The following GLYATL2 variants were observed in gnomAD, a reference collection of about 807,000 sequenced individuals.
GLYATL2 encodes glycine N-acyltransferase-like protein 2.
In GLYATL2, 25 loss-of-function variants were observed where a neutral mutation model predicts 21.4. That is an observed-to-expected ratio of 1.17 (90% CI 0.85 to 1.63). The LOEUF is 1.63. Ranked by LOEUF, GLYATL2 falls within the 40% of genes most tolerant of loss-of-function variation. GLYATL2 has a pLI of 0.00. For synonymous variants in GLYATL2, 114 were observed against 118.2 expected (o/e 0.96, Z 0.23); for missense variants, 361 against 343.3 (o/e 1.05, Z -0.41).
chr11:58,834,322 A>T lies in GLYATL2; in HGVS notation c.*107T>A. The T allele has an allele frequency of 1.2e-6, 1 of 862,520 alleles. No individual in the cohort carries two copies. The highest frequency in any genetic ancestry group is 1.8e-6 in the Non-Finnish European group (1 of 569,226). 53.4% of individuals were successfully genotyped at this position (862,520 alleles called of 1,614,324 possible). A position where few individuals can be genotyped will look rare whatever the true frequency, so the allele number is the denominator to read the frequency against. On this transcript the variant is annotated 3_prime_UTR_variant, in exon 6 of 6. Transcript: ENST00000287275. Reference sequence around the variant, plus strand: ...AAGGGTGAGCTTAAGTAATACACAGATCCTAGATAATCAGTTGCATTTTGT... The same window carrying T: ...AAGGGTGAGCTTAAGTAATACACAGTTCCTAGATAATCAGTTGCATTTTGT...
intron 1 of GLYATL2, chr11:58,892,449 C>A: frequency 6.4e-6 from 1 of 156,340 alleles, no homozygotes. Flanking sequence ...TCAACTAATA[C>A]CATTAGCAAT....
intron 1 of GLYATL2, among the ~76,000 whole-genome samples, chr11:58,895,937 T>C (rs1181458611): frequency 2.0e-5 from 3 of 151,812 alleles, no homozygotes; most frequent in Admixed American, 2.0e-4. Flanking sequence ...CACTGCAGAC[T>C]CTGCCTCCCA....
intron 1 of GLYATL2, among the ~76,000 whole-genome samples, chr11:58,881,208 G>A (rs1438999461): frequency 6.6e-6 from 1 of 152,014 alleles, no homozygotes; most frequent in Non-Finnish European, 1.5e-5. Flanking sequence ...CATTCCTCTG[G>A]AAAACATGCA....
upstream of GLYATL2, chr11:58,908,476 A>G (rs1236288419): frequency 1.5e-5 from 3 of 203,460 alleles, no homozygotes; most frequent in Non-Finnish European, 3.3e-5. Flanking sequence ...CATGAATTCC[A>G]TGAAGACTGA....
At chr11:58,882,661 C>T (rs573422666) in intron 1 of GLYATL2, among the ~76,000 whole-genome samples, 45 of 152,240 alleles carry the variant, frequency 3.0e-4, no homozygotes, top group African/African-American at 1.0e-3. Context: ...TTGCCCATGC[C>T]GATGTCCTGA....
At chr11:58,908,580 G>A (rs552443848), upstream of GLYATL2, 44 of 180,636 alleles carry the variant, frequency 2.4e-4, 1 homozygote, top group African/African-American at 9.0e-4. Context: ...CCTCACTGGA[G>A]AGATAGTCTA....
chr11:58,845,877 C>T (rs1853633249), upstream of GLYATL2, among the ~76,000 whole-genome samples: 2 of 152,106 alleles, frequency 1.3e-5, no homozygotes, highest in South Asian at 4.1e-4. Context: ...AAATCATCTA[C>T]TCCAGATGAC....
chr11:58,850,750 C>A (rs1027529534), intron 1 of GLYATL2, among the ~76,000 whole-genome samples: 1 of 152,048 alleles, frequency 6.6e-6, no homozygotes, highest in Admixed American at 6.6e-5. Flanking sequence ...AAGGGAGTCT[C>A]CCTTTCCCCA....
intron 1 of GLYATL2, among the ~76,000 whole-genome samples, chr11:58,881,181 A>G (rs138609078): frequency 2.9e-3 from 442 of 152,356 alleles, no homozygotes; most frequent in Admixed American, 5.0e-3. Flanking sequence ...TTTCATATGT[A>G]TTACATTGTG....
chr11:58,900,397 C>A (rs887598951), intron 1 of GLYATL2, among the ~76,000 whole-genome samples: 1 of 152,066 alleles, frequency 6.6e-6, no homozygotes, highest in Non-Finnish European at 1.5e-5. Flanking sequence ...TGCGAAAAAA[C>A]CTATGGAAGG....
At chr11:58,896,626 A>G (rs1180820142) in intron 1 of GLYATL2, among the ~76,000 whole-genome samples, 1 of 152,210 alleles carries the variant, frequency 6.6e-6, no homozygotes, top group Non-Finnish European at 1.5e-5. Flanking sequence ...ACAAACAAGG[A>G]CACAAAGATG....
intron 1 of GLYATL2, among the ~76,000 whole-genome samples, chr11:58,843,062 G>A (rs1333017558): frequency 1.3e-5 from 2 of 152,034 alleles, no homozygotes; most frequent in Admixed American, 1.3e-4. Context: ...ATTAGCTTAT[G>A]GTAAAATTAA....
chr11:58,909,504 C>A, the GLYATL2 span, among the ~76,000 whole-genome samples: 3 of 152,176 alleles, frequency 2.0e-5, no homozygotes, highest in Non-Finnish European at 4.4e-5. Context: ...AAGTTGCATA[C>A]ATTAATTATG....
At chr11:58,853,128 G>A (rs576992542) in intron 1 of GLYATL2, among the ~76,000 whole-genome samples, 2 of 152,156 alleles carry the variant, frequency 1.3e-5, no homozygotes, top group Admixed American at 6.5e-5. Flanking sequence ...TCTAAGTAAC[G>A]TTTCCTTTAT....
At chr11:58,889,973 C>T (rs1854512027) in intron 1 of GLYATL2, among the ~76,000 whole-genome samples, 2 of 152,052 alleles carry the variant, frequency 1.3e-5, no homozygotes, top group Non-Finnish European at 2.9e-5. Context: ...CTTTTAGATA[C>T]AGGGGTTACA....
In GLYATL2 at chr11:58,893,108, G is replaced by A. The variant is rs891415033; in HGVS notation, n.60+11048C>T. ...TATTCTGGGCTGGTAAATGACAACTGGAGGCGAGGGAAGAATGAGAGGAGC... is the reference window on the plus strand; with the variant it reads ...TATTCTGGGCTGGTAAATGACAACTAGAGGCGAGGGAAGAATGAGAGGAGC... On this transcript the variant is annotated intron_variant and non_coding_transcript_variant, in intron 1 of 4. Transcript: ENST00000533636. 7.5e-6 allele frequency: 3 copies of A among 402,666 alleles called. No homozygotes were observed. The Admixed American group carries it at 1.0e-4, about 14-fold the overall frequency. The allele number at this position is 402,666 out of a possible 1,614,324, so 24.9% of individuals were successfully genotyped here.
chr11:58,896,859 C>A (rs532794218), intron 1 of GLYATL2, among the ~76,000 whole-genome samples: 1 of 152,148 alleles, frequency 6.6e-6, no homozygotes, highest in Non-Finnish European at 1.5e-5. Flanking sequence ...ATTAAGAAGA[C>A]AGATATGTGT....
At chr11:58,849,044 TAAAGTGCTGAAGGA>T (rs778708141), upstream of GLYATL2, among the ~76,000 whole-genome samples, 12 of 152,306 alleles carry the variant, frequency 7.9e-5, no homozygotes, top group Non-Finnish European at 1.6e-4. Flanking sequence ...ATGACACACT[TAAAGTGCTGAAGGA>T]AAAATACCTT....
At chr11:58,903,779 A>G (rs1854784512) in intron 1 of GLYATL2, among the ~76,000 whole-genome samples, 1 of 152,068 alleles carries the variant, frequency 6.6e-6, no homozygotes, top group African/African-American at 2.4e-5. Context: ...TTTTATTTTG[A>G]TCTATGCTCT....
Sources: allele counts gnomAD v4.1 joint callset (sites outside exome capture counted in the v4.1 genomes callset), GRCh38; gene constraint gnomAD v4.1.1; transcripts MANE v1.5; gene names NCBI Gene and HGNC (gene_info 2026-07-23, HGNC 2026-07-21).